The following PI4KA variants were observed in gnomAD, a reference collection of about 807,000 sequenced individuals.
PI4KA encodes phosphatidylinositol 4-kinase alpha.
In PI4KA, 122 loss-of-function variants were observed where a neutral mutation model predicts 271.4. That is an observed-to-expected ratio of 0.45 (90% CI 0.39 to 0.52). The LOEUF (loss-of-function observed/expected upper bound fraction) is 0.52, where lower values mean the gene tolerates loss of function less well. Ranked by LOEUF, PI4KA falls within the 20% of genes least tolerant of loss-of-function variation. PI4KA has a pLI of 0.00. For synonymous variants in PI4KA, 1,041 were observed against 1,078.8 expected, an observed-to-expected ratio of 0.96 and a Z score of 0.69; for missense variants, 1,969 against 2,769.1, an observed-to-expected ratio of 0.71 and a Z score of 6.48.
intron 19 of PI4KA, 82 bp downstream of exon 19, chr22:20,793,111 A>G (rs1934753881): frequency 2.3e-6 from 2 of 866,532 alleles, no homozygotes; most frequent in Admixed American, 3.4e-5. Flanking sequence ...CTTTCTAAGG[A>G]ATTTACTGTG....
At chr22:20,779,592 G>C (rs753103932) in intron 19 of PI4KA, 1 of 1,614,040 alleles carries the variant, frequency 6.2e-7, no homozygotes, top group African/African-American at 1.3e-5. Flanking sequence ...CGACTACATC[G>C]ACATCGTCGA....
intron 19 of PI4KA, among the ~76,000 whole-genome samples, chr22:20,788,506 A>C (rs1934419947): frequency 6.6e-6 from 1 of 152,178 alleles, no homozygotes; most frequent in Admixed American, 6.5e-5. Flanking sequence ...AGCTCACAGA[A>C]GGGAAGGCCT....
chr22:20,764,916 TTGA>T lies in PI4KA; in HGVS notation c.2606_2608del (p.Ile869del). 1 of 1,613,000 alleles carries T rather than the reference TTGA, an allele frequency of 6.2e-7. No individual in the cohort carries two copies. Among genetic ancestry groups the T allele is most frequent in the Non-Finnish European group, 8.5e-7 (1 of 1,179,390 alleles). On this transcript the variant is annotated inframe_deletion, in exon 22 of 55. Transcript: ENST00000255882. Reference sequence around the variant, plus strand: ...CACCTCGGGAGGGGGGTCCAGCAGGTTGATGATAGTGCTGCGGAGCTCACTCAG... The same window carrying T: ...CACCTCGGGAGGGGGGTCCAGCAGGTTGATAGTGCTGCGGAGCTCACTCAG...
At chr22:20,813,556 G>C in intron 7 of PI4KA, 50 bp from the exon 8 acceptor site, 2 of 1,580,264 alleles carry the variant, frequency 1.3e-6, no homozygotes, top group Middle Eastern at 1.8e-4. Context: ...GGCAACTAGG[G>C]TACTTCCTCA....
chr22:20,845,195 T>C (rs761664401), intron 1 of PI4KA, among the ~76,000 whole-genome samples: 1 of 152,142 alleles, frequency 6.6e-6, no homozygotes, highest in African/African-American at 2.4e-5. Context: ...GACAGGTATC[T>C]CAAAGATGTG....
At chr22:20,742,790 T>A (rs999780814) in intron 30 of PI4KA, 26 bp from the exon 31 acceptor site, 4 of 1,611,982 alleles carry the variant, frequency 2.5e-6, no homozygotes, top group Non-Finnish European at 3.4e-6. Flanking sequence ...CATCAGCAAC[T>A]AAGCATATAA....
chr22:20,727,577 A>G (rs1246256625), intron 40 of PI4KA, 180 bp from the exon 41 acceptor site: 1 of 685,020 alleles, frequency 1.5e-6, no homozygotes, highest in African/African-American at 1.8e-5. Flanking sequence ...GGTGAAGTGC[A>G]TTACATTTTT....
chr22:20,799,077 C>T lies in PI4KA; in HGVS notation c.2004+16G>A, dbSNP rs780892171. ...TTGCACAGGGTTAGTGGTGTTCTGG[C>T]TCTGGCCTCCCTTACATTTCCGGTG... On this transcript the variant is annotated intron_variant, in intron 16 of 54. Transcript: ENST00000255882. 10 of 1,609,542 alleles carry T rather than the reference C, an allele frequency of 6.2e-6. No homozygotes were observed. In the East Asian group the frequency reaches 1.8e-4, roughly 29 times the overall value.
In PI4KA at chr22:20,765,226, T is replaced by C. The variant is rs1314123942; in HGVS notation, c.2448A>G (p.Pro816=). The C allele has an allele frequency of 3.1e-6, 5 of 1,610,022 alleles. No individual in the cohort carries two copies. In the South Asian group the frequency reaches 3.3e-5, roughly 11 times the overall value. The change falls in exon 21 of 55, where the codon CCA becomes CCG. Residue 816 remains proline (P), a synonymous_variant. Transcript: ENST00000255882. The stretch of plus-strand genomic sequence containing the variant: ...CACAGACCCCCTCGTACCATTCTTC[T>C]GGCCAGAGTCCTGCAATAAAGTGAA... ...GFAVEGSGLW[P]EEWYEGVCEI...
At chr22:20,843,999 A>G (rs1925930479) in intron 1 of PI4KA, among the ~76,000 whole-genome samples, 1 of 152,168 alleles carries the variant, frequency 6.6e-6, no homozygotes, top group Non-Finnish European at 1.5e-5. Flanking sequence ...TCTCCCCTAT[A>G]AAAATTCAAC....
chr22:20,735,694 G>T (rs573741807), intron 32 of PI4KA, among the ~76,000 whole-genome samples: 1 of 152,240 alleles, frequency 6.6e-6, no homozygotes, highest in South Asian at 2.1e-4. Context: ...TGGAGACAAA[G>T]GCCACATAAG....
At chr22:20,726,803 G>C (rs1035144010) in intron 41 of PI4KA, among the ~76,000 whole-genome samples, 2 of 152,162 alleles carry the variant, frequency 1.3e-5, no homozygotes, top group African/African-American at 4.8e-5. Context: ...GGTCTGCTGT[G>C]GGTCAGACTC....
At chr22:20,764,027 ACTTT>A (rs1430161822) in intron 22 of PI4KA, among the ~76,000 whole-genome samples, 1 of 152,204 alleles carries the variant, frequency 6.6e-6, no homozygotes, top group Non-Finnish European at 1.5e-5. Flanking sequence ...TCTCAGGAAC[ACTTT>A]CTTTTTCAAA....
intron 27 of PI4KA, 67 bp downstream of exon 27, chr22:20,751,226 C>T (rs897159697): frequency 1.5e-6 from 2 of 1,307,718 alleles, no homozygotes; most frequent in African/African-American, 1.4e-5. Flanking sequence ...GGTTGACCAT[C>T]TCGTGGAAAT....
chr22:20,793,328 T>C (rs1259016174), intron 18 of PI4KA, 85 bp from the exon 19 acceptor site: 2 of 775,118 alleles, frequency 2.6e-6, no homozygotes, highest in Non-Finnish European at 4.4e-6. Context: ...CATAGTGTTA[T>C]GTAAACCTGG....
At position 20,733,837 on chromosome 22, in the gene PI4KA, C is replaced by G. The variant is rs1163944379; in HGVS notation, c.4059G>C (p.Leu1353=). Reference sequence around the variant, plus strand: ...CATGCAGGAGGGACAGCCCCAGGGTCAGCAGCCTGTGAGGGAGCCCCGGAC... The same window carrying G: ...CATGCAGGAGGGACAGCCCCAGGGTGAGCAGCCTGTGAGGGAGCCCCGGAC... ...VAAIGPRFKL[L]TLGLSLLHAD... is the part of the protein sequence containing the mutation. The change falls in exon 35 of 55, where the codon CTG becomes CTC. Residue 1353 remains leucine (L), a synonymous_variant. Transcript: ENST00000255882. 6.2e-7 allele frequency: 1 copy of G among 1,612,026 alleles called. No individual in the cohort carries two copies. The highest frequency in any genetic ancestry group is 8.5e-7 in the Non-Finnish European group (1 of 1,179,874).
At chr22:20,765,404 T>G (rs1932431337) in intron 20 of PI4KA, among the ~76,000 whole-genome samples, 168 bp from the exon 21 acceptor site, 1 of 152,198 alleles carries the variant, frequency 6.6e-6, no homozygotes, top group Non-Finnish European at 1.5e-5. Context: ...CTAAGGTGTA[T>G]GGCATTCTCA....
chr22:20,731,658 G>A (rs1928067304), intron 36 of PI4KA, among the ~76,000 whole-genome samples: 2 of 152,124 alleles, frequency 1.3e-5, no homozygotes, highest in Admixed American at 6.6e-5. Context: ...GGCCGGGCAC[G>A]GTGGCTCACG....
chr22:20,815,090 G>A (rs775436644), intron 7 of PI4KA, among the ~76,000 whole-genome samples: 7 of 151,834 alleles, frequency 4.6e-5, no homozygotes, highest in Non-Finnish European at 5.9e-5. Context: ...AACTATAATA[G>A]AAAACTATGA....
Sources: gnomAD v4.1 joint callset for allele counts (sites outside exome capture counted in the v4.1 genomes callset) on GRCh38, gnomAD v4.1.1 for gene constraint, MANE v1.5 for transcripts, NCBI Gene and HGNC (gene_info 2026-07-23, HGNC 2026-07-21) for gene names.